Variants in SNRPG observed in about 807,000 individuals in gnomAD.
The protein encoded by SNRPG is small nuclear ribonucleoprotein polypeptide G.
SNRPG carries 3 observed loss-of-function variants against 13.9 expected under a neutral mutation model. The ratio of observed to expected loss-of-function variants is 0.22; its 90% CI spans 0.10 to 0.56. The LOEUF (loss-of-function observed/expected upper bound fraction) is 0.56. SNRPG is among the 20% of genes least tolerant of loss of function. The pLI is 0.93. For missense variants in SNRPG, 34 were observed against 96.1 expected (o/e 0.35, Z 2.70); for synonymous variants, 29 against 29.3 (o/e 0.99, Z 0.03).
intron 3 of SNRPG, 110 bp from the exon 4 acceptor site, chr2:70,281,794 G>T: frequency 3.3e-6 from 2 of 614,332 alleles, no homozygotes; most frequent in Non-Finnish European, 5.8e-6. Flanking sequence ...ATTACATGTC[G>T]GTTTGCAAAG....
At chr2:70,290,481 T>C (rs936391543) in intron 1 of SNRPG, among the ~76,000 whole-genome samples, 5 of 152,152 alleles carry the variant, frequency 3.3e-5, no homozygotes, top group South Asian at 2.1e-4. Context: ...TTTTAATTTC[T>C]TCCATATAGG....
intron 3 of SNRPG, among the ~76,000 whole-genome samples, chr2:70,283,122 A>ACAAAAC (rs1553474953): frequency 3.6e-5 from 3 of 82,962 alleles, no homozygotes; most frequent in Non-Finnish European, 5.0e-5. Context: ...AAAAAAAAAA[A>ACAAAAC]AACAACAAAC....
Position 70,288,004 on chromosome 2 carries a change from A to T in SNRPG, c.180+64T>A, listed in dbSNP as rs918363849. 3.3e-6 allele frequency: 5 copies of T among 1,513,874 alleles called. No individual in the cohort carries two copies. The African/African-American group carries it at 6.9e-5, about 21-fold the overall frequency. The allele number at this position is 1,513,874 out of a possible 1,614,324, so 93.8% of individuals were successfully genotyped here. ...CCATTTCTGGGGGTTACTAACCAGG[A>T]AAGTTAATACACATTCCAAAAGAAA... On this transcript the variant is annotated intron_variant, in intron 3 of 3. Coordinates refer to ENST00000272348, the MANE Select transcript of SNRPG (RefSeq NM_003096.4).
chr2:70,286,782 G>A (rs1346658740), intron 3 of SNRPG, among the ~76,000 whole-genome samples: 1 of 152,204 alleles, frequency 6.6e-6, no homozygotes, highest in Non-Finnish European at 1.5e-5. Flanking sequence ...AAGCAGAATT[G>A]ACAATTAGGT....
At position 70,293,707 on chromosome 2, in the gene SNRPG, G is replaced by C; in HGVS notation, c.-58C>G. 1 of 1,549,338 alleles carries C rather than the reference G, an allele frequency of 6.5e-7. No individual in the cohort carries two copies. The highest frequency in any genetic ancestry group is 8.9e-7 in the Non-Finnish European group (1 of 1,121,122). On this transcript the variant is annotated 5_prime_UTR_variant, in exon 1 of 4. Transcript: ENST00000272348. ...GAACGCAACGCACGGCTTTCCTCAC[G>C]CTCCCGCTGTAGGCCCGGCGTCTTG...
At position 70,290,118 on chromosome 2, in the gene SNRPG, T is replaced by C. The variant is rs1697046350; in HGVS notation, c.33-746A>G. Among the ~76,000 whole-genome samples, 3 of 151,908 alleles carry C rather than the reference T, an allele frequency of 2.0e-5. No homozygotes were observed. The South Asian group carries it at 6.3e-4, about 32-fold the overall frequency. On this transcript the variant is annotated intron_variant, in intron 1 of 3. Transcript: ENST00000272348. ...CAGCCTCCCAAAGTGCCGCTGGGAT[T>C]ACACAGGCATGAGCTACCACATCTG...
chr2:70,286,373 CCTT>C (rs1696942146), intron 3 of SNRPG, among the ~76,000 whole-genome samples: 1 of 152,134 alleles, frequency 6.6e-6, no homozygotes, highest in South Asian at 2.1e-4. Flanking sequence ...TATTTGTTTC[CCTT>C]CTTCCAACTT....
chr2:70,282,632 T>A (rs1415814962), intron 3 of SNRPG, among the ~76,000 whole-genome samples: 1 of 152,120 alleles, frequency 6.6e-6, no homozygotes, highest in African/African-American at 2.4e-5. Context: ...AATGAGCCAG[T>A]GAGAGTTTCA....
intron 3 of SNRPG, among the ~76,000 whole-genome samples, chr2:70,286,458 A>G (rs1287830086): frequency 6.6e-6 from 1 of 151,368 alleles, no homozygotes; most frequent in African/African-American, 2.5e-5. Flanking sequence ...CTGATGTGTT[A>G]TTATTTCTTT....
chr2:70,290,883 T>C (rs931432941), intron 1 of SNRPG, among the ~76,000 whole-genome samples: 78 of 137,762 alleles, frequency 5.7e-4, no homozygotes, highest in African/African-American at 2.1e-3. Flanking sequence ...TGTTGGTGCA[T>C]GCTTGTAATC....
intron 3 of SNRPG, chr2:70,287,195 T>C (rs1696963342): frequency 3.1e-6 from 2 of 647,506 alleles, no homozygotes; most frequent in Non-Finnish European, 5.5e-6. Flanking sequence ...AATAGGTCTA[T>C]CTTCAACTTT....
chr2:70,286,844 A>G (rs933177199), intron 3 of SNRPG, among the ~76,000 whole-genome samples: 1 of 152,170 alleles, frequency 6.6e-6, no homozygotes, highest in Non-Finnish European at 1.5e-5. Context: ...GGAACTAAAA[A>G]CCTAATCTAC....
chr2:70,289,439 G>GTA, intron 1 of SNRPG, 67 bp from the exon 2 acceptor site: 1 of 795,560 alleles, frequency 1.3e-6, no homozygotes, highest in South Asian at 1.6e-5. Context: ...CAAGTAAATA[G>GTA]GTATAGTTAA....
intron 1 of SNRPG, chr2:70,292,931 C>A: frequency 1.8e-6 from 1 of 567,868 alleles, no homozygotes. Flanking sequence ...TAAAGTAAGG[C>A]TCTCCTACTT....
At chr2:70,290,902 T>G (rs1217326548) in intron 1 of SNRPG, among the ~76,000 whole-genome samples, 1 of 127,998 alleles carries the variant, frequency 7.8e-6, no homozygotes, top group Admixed American at 8.9e-5. Flanking sequence ...TCCCAGCTAC[T>G]CGGGAGGCTG....
chr2:70,283,130 AAC>A (rs1696854886), intron 3 of SNRPG, among the ~76,000 whole-genome samples: 2 of 149,212 alleles, frequency 1.3e-5, no homozygotes, highest in Admixed American at 6.7e-5. Flanking sequence ...AAAAACAACA[AAC>A]CAAAACCAAA....
At chr2:70,285,609 T>G (rs1391935051) in intron 3 of SNRPG, among the ~76,000 whole-genome samples, 1 of 152,074 alleles carries the variant, frequency 6.6e-6, no homozygotes, top group Non-Finnish European at 1.5e-5. Flanking sequence ...CAGAAATTTG[T>G]GCATAGGGTT....
At chr2:70,282,045 T>C (rs893992553) in intron 3 of SNRPG, among the ~76,000 whole-genome samples, 1 of 152,128 alleles carries the variant, frequency 6.6e-6, no homozygotes, top group East Asian at 1.9e-4. Context: ...GCCTCCCAAG[T>C]AGCTAGGATT....
intron 3 of SNRPG, among the ~76,000 whole-genome samples, chr2:70,286,899 G>A (rs1236885531): frequency 6.6e-6 from 1 of 152,180 alleles, no homozygotes; most frequent in Non-Finnish European, 1.5e-5. Flanking sequence ...AGGGCTGAGA[G>A]GAAAATCTTG....
Sources: allele counts gnomAD v4.1 joint callset (sites outside exome capture counted in the v4.1 genomes callset), GRCh38; gene constraint gnomAD v4.1.1; transcripts MANE v1.5; gene names NCBI Gene and HGNC (gene_info 2026-07-23, HGNC 2026-07-21).